Variants in AGBL1 observed in about 807,000 individuals in gnomAD.
AGBL1 encodes the protein AGBL carboxypeptidase 1.
Under a neutral mutation model 118.9 loss-of-function variants are expected in AGBL1, and 130 were observed. That is an observed-to-expected ratio of 1.09 (90% CI 0.95 to 1.26). The LOEUF (loss-of-function observed/expected upper bound fraction) is 1.26. AGBL1 is among the 50% of genes most tolerant of loss of function. AGBL1 has a pLI of 0.00. For missense variants in AGBL1, 1,584 were observed against 1,298.1 expected, an observed-to-expected ratio of 1.22 and a Z score of -3.38; for synonymous variants, 555 against 478.9, an observed-to-expected ratio of 1.16 and a Z score of -2.08.
intron 23 of AGBL1, among the ~76,000 whole-genome samples, chr15:86,956,625 T>G (rs1397215235): frequency 6.6e-6 from 1 of 152,162 alleles, no homozygotes; most frequent in Non-Finnish European, 1.5e-5. Flanking sequence ...GTGATCTGTT[T>G]TACTTAAAAC....
intron 5 of AGBL1, among the ~76,000 whole-genome samples, chr15:86,215,221 A>ATGTGTATGTGTG (rs766862249): frequency 8.0e-6 from 1 of 124,702 alleles, no homozygotes; most frequent in African/African-American, 3.5e-5. Flanking sequence ...GTGTATATGT[A>ATGTGTATGTGTG]TGCGTGTGTG....
chr15:86,935,290 A>G (rs894918171), intron 23 of AGBL1: 1 of 152,226 alleles, frequency 6.6e-6, no homozygotes, highest in African/African-American at 2.4e-5. Context: ...TAATGCGGGC[A>G]CTGTGAGTCA....
chr15:86,674,787 A>G (rs139839308), intron 22 of AGBL1, among the ~76,000 whole-genome samples: 1 of 152,332 alleles, frequency 6.6e-6, no homozygotes, highest in Non-Finnish European at 1.5e-5. Context: ...CCATTACTCA[A>G]CAAAAAACAA....
At chr15:86,157,845 G>T (rs1406696157) in intron 4 of AGBL1, among the ~76,000 whole-genome samples, 2 of 152,164 alleles carry the variant, frequency 1.3e-5, no homozygotes, top group Non-Finnish European at 2.9e-5. Flanking sequence ...AGAGCTGCCG[G>T]AGCTCTAACC....
intron 22 of AGBL1, among the ~76,000 whole-genome samples, chr15:86,715,168 A>T (rs1170929156): frequency 6.6e-6 from 1 of 152,152 alleles, no homozygotes; most frequent in Non-Finnish European, 1.5e-5. Context: ...GAATGCTGAG[A>T]ATGGAGTTGT....
intron 1 of AGBL1, among the ~76,000 whole-genome samples, chr15:86,112,488 G>C (rs1209758560): frequency 6.6e-6 from 1 of 152,110 alleles, no homozygotes; most frequent in Non-Finnish European, 1.5e-5. Flanking sequence ...TTGTATTATG[G>C]CAATTTATTT....
intron 21 of AGBL1, among the ~76,000 whole-genome samples, chr15:86,586,419 G>C (rs1262814395): frequency 6.6e-6 from 1 of 152,108 alleles, no homozygotes. Context: ...AAACCTATGA[G>C]GTAGTTGCTA....
At chr15:86,725,984 T>C (rs1441811404) in intron 22 of AGBL1, among the ~76,000 whole-genome samples, 1 of 144,082 alleles carries the variant, frequency 6.9e-6, no homozygotes, top group Non-Finnish European at 1.5e-5. Flanking sequence ...GCAAACAGTA[T>C]GGTCAAAAAA....
intron 21 of AGBL1, among the ~76,000 whole-genome samples, chr15:86,627,852 T>A (rs1166809463): frequency 1.3e-5 from 2 of 152,212 alleles, no homozygotes; most frequent in African/African-American, 4.8e-5. Context: ...TGTTTTCACA[T>A]CTTTGCCATT....
At chr15:86,268,100 C>T (rs1230369556) in intron 13 of AGBL1, among the ~76,000 whole-genome samples, 1 of 152,218 alleles carries the variant, frequency 6.6e-6, no homozygotes. Flanking sequence ...CGTTCTTACT[C>T]AGGGATGCAT....
downstream of AGBL1, among the ~76,000 whole-genome samples, chr15:87,030,038 G>T (rs1299906235): frequency 2.0e-5 from 3 of 151,886 alleles, no homozygotes; most frequent in Admixed American, 2.0e-4. Flanking sequence ...ATTTTTGAAA[G>T]ACATCTAAGC....
At chr15:86,471,765 T>C (rs2082482543) in intron 18 of AGBL1, among the ~76,000 whole-genome samples, 1 of 152,188 alleles carries the variant, frequency 6.6e-6, no homozygotes, top group African/African-American at 2.4e-5. Flanking sequence ...AATTCTATTT[T>C]TAAAACTGAG....
intron 22 of AGBL1, among the ~76,000 whole-genome samples, chr15:86,677,873 A>G (rs2085877451): frequency 6.6e-6 from 1 of 152,238 alleles, no homozygotes. Context: ...GTTCTTTTGA[A>G]TGAGAAAATG....
intron 18 of AGBL1, among the ~76,000 whole-genome samples, chr15:86,459,452 G>T (rs1043924815): frequency 2.0e-5 from 3 of 152,080 alleles, no homozygotes; most frequent in African/African-American, 7.2e-5. Flanking sequence ...AAAATATGTG[G>T]TGATTAAATC....
intron 22 of AGBL1, among the ~76,000 whole-genome samples, chr15:86,676,619 A>G (rs2085853004): frequency 6.6e-6 from 1 of 152,168 alleles, no homozygotes; most frequent in Non-Finnish European, 1.5e-5. Context: ...AGTGTAACCA[A>G]TGTTTGTCAA....
chr15:86,328,627 A>G (rs2080223326), intron 17 of AGBL1, among the ~76,000 whole-genome samples: 1 of 152,158 alleles, frequency 6.6e-6, no homozygotes, highest in African/African-American at 2.4e-5. Flanking sequence ...GAATGTGGGT[A>G]AACAGCCCCT....
intron 17 of AGBL1, among the ~76,000 whole-genome samples, chr15:86,343,730 C>G (rs912149235): frequency 1.3e-5 from 2 of 152,190 alleles, no homozygotes; most frequent in African/African-American, 4.8e-5. Context: ...TTTGTACCAA[C>G]TTTTCCAGTG....
intron 17 of AGBL1, among the ~76,000 whole-genome samples, chr15:86,372,523 T>A (rs2080985582): frequency 6.6e-6 from 1 of 152,270 alleles, no homozygotes; most frequent in Admixed American, 6.5e-5. Flanking sequence ...TACCTGCCAC[T>A]TTTTCTCTCT....
Position 86,916,096 on chromosome 15 carries a change from G to C in AGBL1, c.*8802G>C, listed in dbSNP as rs1004405294. ...GGTGTCTATAATTAAGCAAGCCTAAGCTGGGCACATAGGAACGGAAATGCA... is the reference window on the plus strand; with the variant it reads ...GGTGTCTATAATTAAGCAAGCCTAACCTGGGCACATAGGAACGGAAATGCA... On this transcript the variant is annotated 3_prime_UTR_variant, in exon 23 of 23. Coordinates refer to ENST00000614907, the MANE Select transcript of AGBL1 (RefSeq NM_001386094.1). 2.6e-5 allele frequency: 4 copies of C among 152,198 alleles called. No individual in the cohort carries two copies. Among genetic ancestry groups the C allele is most frequent in the African/African-American group, 9.7e-5 (4 of 41,444 alleles). The allele number at this position is 152,198 out of a possible 1,614,324, so 9.4% of individuals were successfully genotyped here. A position where few individuals can be genotyped will look rare whatever the true frequency, so the allele number is the denominator to read the frequency against.
Sources: allele counts gnomAD v4.1 joint callset (sites outside exome capture counted in the v4.1 genomes callset), GRCh38; gene constraint gnomAD v4.1.1; transcripts MANE v1.5; gene names NCBI Gene and HGNC (gene_info 2026-07-23, HGNC 2026-07-21).